SHISA6: variants seen among roughly 807,000 people sequenced by gnomAD.
SHISA6 encodes the protein protein shisa-6.
Under a neutral mutation model 47.9 loss-of-function variants are expected in SHISA6, and 22 were observed. The observed-to-expected ratio is 0.46, with a 90% CI of 0.33 to 0.66. SHISA6 has a LOEUF of 0.66. Ranked by LOEUF, SHISA6 falls within the 30% of genes least tolerant of loss-of-function variation. The pLI, the probability that SHISA6 is intolerant of heterozygous loss-of-function variation, is 0.02. For synonymous variants in SHISA6, 388 were observed against 337.8 expected (o/e 1.15, Z -1.63); for missense variants, 680 against 764.6 (o/e 0.89, Z 1.30).
At chr17:11,371,953 T>C (rs1912643132) in intron 2 of SHISA6, among the ~76,000 whole-genome samples, 1 of 152,204 alleles carries the variant, frequency 6.6e-6, no homozygotes, top group South Asian at 2.1e-4. Context: ...AAAATTATTG[T>C]TGGTATAAAT....
intron 1 of SHISA6, among the ~76,000 whole-genome samples, 164 bp from the exon 2 acceptor site, chr17:11,263,202 C>T (rs922624884): frequency 1.3e-5 from 2 of 151,996 alleles, no homozygotes; most frequent in African/African-American, 4.8e-5. Context: ...CTGTGTCCCC[C>T]CTGAGACCAA....
intron 3 of SHISA6, among the ~76,000 whole-genome samples, chr17:11,503,562 C>T (rs546362079): frequency 6.6e-6 from 1 of 152,316 alleles, no homozygotes; most frequent in East Asian, 1.9e-4. Flanking sequence ...CGGTTTCCTC[C>T]CCTCTTTATC....
intron 2 of SHISA6, among the ~76,000 whole-genome samples, chr17:11,323,912 A>C (rs1226417732): frequency 2.0e-5 from 3 of 152,092 alleles, no homozygotes; most frequent in Non-Finnish European, 2.9e-5. Flanking sequence ...GATCCAAAGC[A>C]CTTATTTTTC....
chr17:11,344,703 C>T (rs553918512), intron 2 of SHISA6, among the ~76,000 whole-genome samples: 1 of 152,068 alleles, frequency 6.6e-6, no homozygotes, highest in African/African-American at 2.4e-5. Flanking sequence ...TATTTCAATA[C>T]CTGTATACGA....
chr17:11,444,777 A>G (rs532985259), intron 3 of SHISA6, among the ~76,000 whole-genome samples: 1 of 152,296 alleles, frequency 6.6e-6, no homozygotes, highest in South Asian at 2.1e-4. Context: ...AGGTCACCAA[A>G]CAGTTAACAG....
At position 11,347,137 on chromosome 17, in the gene SHISA6, T is replaced by A. The variant is rs2429374; in HGVS notation, c.800-32277T>A. 4.6e-5 allele frequency among the ~76,000 whole-genome samples: 7 copies of A among 152,072 alleles called. No individual in the cohort carries two copies. The East Asian group carries it at 9.7e-4, about 21-fold the overall frequency. ...ACAGGAAAGGTAGGAAGATGGAAAC[T>A]TAACTGAAGGTAAGAGGTTGTGGTT... is the stretch of plus-strand genomic sequence containing the variant. On this transcript the variant is annotated intron_variant, in intron 2 of 5. Transcript: ENST00000441885.
chr17:11,405,770 G>A (rs900128848), intron 3 of SHISA6, among the ~76,000 whole-genome samples: 10 of 151,764 alleles, frequency 6.6e-5, no homozygotes, highest in Non-Finnish European at 2.9e-5. Flanking sequence ...TCTAGCCTGG[G>A]TGACAGAGCA....
At chr17:11,501,639 C>G (rs183110849) in intron 3 of SHISA6, among the ~76,000 whole-genome samples, 264 of 151,830 alleles carry the variant, frequency 1.7e-3, no homozygotes, top group African/African-American at 6.1e-3. Flanking sequence ...AGACATGGAG[C>G]GATGAGAATT....
intron 1 of SHISA6, among the ~76,000 whole-genome samples, chr17:11,248,347 C>T (rs934556111): frequency 2.0e-5 from 3 of 152,060 alleles, no homozygotes; most frequent in African/African-American, 7.3e-5. Context: ...ATCTCGTTAC[C>T]TAGTTTTACA....
chr17:11,345,288 C>T (rs975083795), intron 2 of SHISA6, among the ~76,000 whole-genome samples: 3 of 150,362 alleles, frequency 2.0e-5, no homozygotes, highest in Non-Finnish European at 4.5e-5. Flanking sequence ...ATAACAATTT[C>T]CTTTCCATTG....
intron 3 of SHISA6, among the ~76,000 whole-genome samples, chr17:11,454,696 C>CT (rs1915489142): frequency 1.3e-5 from 2 of 152,212 alleles, no homozygotes; most frequent in African/African-American, 4.8e-5. Flanking sequence ...GCCACTTTCT[C>CT]AAAGGCCCTT....
chr17:11,296,077 C>T (rs938668000), intron 2 of SHISA6, among the ~76,000 whole-genome samples: 2 of 151,642 alleles, frequency 1.3e-5, no homozygotes, highest in African/African-American at 4.8e-5. Context: ...TGTCAGAAGA[C>T]CAGTGTGACT....
At chr17:11,277,280 T>TCTCACACACACA (rs1386997909) in intron 2 of SHISA6, among the ~76,000 whole-genome samples, 73 of 53,916 alleles carry the variant, frequency 1.4e-3, no homozygotes, top group Non-Finnish European at 2.0e-3. Flanking sequence ...TCTCTCTCTC[T>TCTCACACACACA]CACACACACA....
chr17:11,499,698 TTTG>T (rs1555540217), intron 3 of SHISA6, among the ~76,000 whole-genome samples: 22 of 146,590 alleles, frequency 1.5e-4, no homozygotes, highest in African/African-American at 4.5e-4. Context: ...TTTTTTTTTT[TTTG>T]TTGTTGTTGT....
chr17:11,374,313 CT>C (rs1401549244), intron 2 of SHISA6, among the ~76,000 whole-genome samples: 1 of 151,976 alleles, frequency 6.6e-6, no homozygotes, highest in Admixed American at 6.6e-5. Context: ...TAGTCTTTGA[CT>C]TGTAGTTTCA....
chr17:11,506,918 T>A (rs1048066393), intron 3 of SHISA6, among the ~76,000 whole-genome samples: 4 of 152,166 alleles, frequency 2.6e-5, no homozygotes, highest in African/African-American at 9.7e-5. Flanking sequence ...AGGCTGGGCA[T>A]GAGTAGAGAG....
chr17:11,389,520 A>G (rs1284922343), intron 3 of SHISA6, among the ~76,000 whole-genome samples: 3 of 152,152 alleles, frequency 2.0e-5, no homozygotes, highest in Non-Finnish European at 4.4e-5. Context: ...TCTTCTTTCT[A>G]TTAGGCAGAA....
intron 3 of SHISA6, among the ~76,000 whole-genome samples, chr17:11,442,707 G>A (rs905871273): frequency 1.3e-5 from 2 of 152,128 alleles, no homozygotes; most frequent in African/African-American, 4.8e-5. Context: ...GTTTGCCTTT[G>A]GACAGGATGC....
intron 2 of SHISA6, among the ~76,000 whole-genome samples, chr17:11,337,708 T>G (rs1461931638): frequency 6.6e-6 from 1 of 152,184 alleles, no homozygotes; most frequent in Non-Finnish European, 1.5e-5. Flanking sequence ...ATCCTTCTCA[T>G]GACCTGGCTC....
Sources: allele counts gnomAD v4.1 joint callset (sites outside exome capture counted in the v4.1 genomes callset), GRCh38; gene constraint gnomAD v4.1.1; transcripts MANE v1.5; gene names NCBI Gene and HGNC (gene_info 2026-07-23, HGNC 2026-07-21).